Variants in AKAP6 observed in about 807,000 individuals in gnomAD.
AKAP6 encodes the protein A-kinase anchoring protein 6.
A neutral mutation model predicts 188.5 loss-of-function variants in AKAP6; 58 were observed. The ratio of observed to expected loss-of-function variants is 0.31; its 90% CI spans 0.25 to 0.38. AKAP6 has a LOEUF of 0.38. Among genes scored for constraint, AKAP6 ranks in the 10% least tolerant of loss-of-function variants. AKAP6 has a pLI of 1.00. For synonymous variants in AKAP6, 989 were observed against 998.6 expected, an observed-to-expected ratio of 0.99 and a Z score of 0.18; for missense variants, 2,710 against 2,740.0, an observed-to-expected ratio of 0.99 and a Z score of 0.24.
chr14:32,338,348 C>CA (rs569597374), intron 1 of AKAP6, among the ~76,000 whole-genome samples: 52 of 151,984 alleles, frequency 3.4e-4, no homozygotes, highest in Admixed American at 2.9e-3. Context: ...AACAAGCTTT[C>CA]AAAAAAAGTC....
chr14:32,655,826 C>T lies in AKAP6; in HGVS notation c.2731-22485C>T, dbSNP rs569481529. 2.6e-5 allele frequency among the ~76,000 whole-genome samples: 4 copies of T among 152,158 alleles called. No individual in the cohort carries two copies. The South Asian group carries it at 6.2e-4, about 24-fold the overall frequency. ...GAGATTAGGGTCAGACTGGGGAAAGCGTTTTTTACCAATCTAACTTTTTTG... is the reference window on the plus strand; with the variant it reads ...GAGATTAGGGTCAGACTGGGGAAAGTGTTTTTTACCAATCTAACTTTTTTG... On this transcript the variant is annotated intron_variant, in intron 7 of 13. Transcript: ENST00000280979.
At chr14:32,540,813 T>A (rs1882912952) in intron 3 of AKAP6, among the ~76,000 whole-genome samples, 1 of 152,100 alleles carries the variant, frequency 6.6e-6, no homozygotes. Context: ...TTCTTACAAT[T>A]GCCTCTGCAT....
At chr14:32,419,140 T>G (rs1334825704) in intron 1 of AKAP6, among the ~76,000 whole-genome samples, 1 of 152,206 alleles carries the variant, frequency 6.6e-6, no homozygotes, top group Non-Finnish European at 1.5e-5. Context: ...AGGTTCTACC[T>G]TGCTGAAATT....
chr14:32,667,574 T>A (rs993963059), intron 7 of AKAP6, among the ~76,000 whole-genome samples: 1 of 152,136 alleles, frequency 6.6e-6, no homozygotes, highest in Non-Finnish European at 1.5e-5. Flanking sequence ...TGATTTTTAT[T>A]CTACATTAGC....
chr14:32,582,939 C>T (rs1300268861), intron 5 of AKAP6, among the ~76,000 whole-genome samples: 2 of 151,862 alleles, frequency 1.3e-5, no homozygotes, highest in African/African-American at 2.4e-5. Context: ...TTTGAATTTC[C>T]TCCTGTAGCT....
chr14:32,758,278 C>G (rs2300839), intron 11 of AKAP6, among the ~76,000 whole-genome samples: 9,662 of 152,206 alleles, frequency 0.063, 687 homozygotes, highest in East Asian at 0.37. Flanking sequence ...ACAGTCAGAG[C>G]CAGCTGGCAG....
At chr14:32,493,391 T>C (rs1279500839) in intron 2 of AKAP6, among the ~76,000 whole-genome samples, 1 of 152,004 alleles carries the variant, frequency 6.6e-6, no homozygotes, top group Non-Finnish European at 1.5e-5. Flanking sequence ...TTAATTCTTT[T>C]GTAGAGATGG....
chr14:32,742,063 T>G (rs934632206), intron 11 of AKAP6, among the ~76,000 whole-genome samples: 1 of 151,884 alleles, frequency 6.6e-6, no homozygotes, highest in Non-Finnish European at 1.5e-5. Flanking sequence ...TTGTTATTGG[T>G]CTCTTCAGGT....
chr14:32,732,481 C>T lies in AKAP6; in HGVS notation c.3028C>T (p.His1010Tyr). The T allele has an allele frequency of 6.2e-7, 1 of 1,613,326 alleles. No homozygotes were observed. Among genetic ancestry groups the T allele is most frequent in the Non-Finnish European group, 8.5e-7 (1 of 1,179,572 alleles). ...KRYSVEMSIR[H>Y]LKKTELLSKV... ...ATACAGTGTGGAAATGTCCATCAGA[C>T]ACCTGAAAAAGACGGAGCTGCTTAG... is the stretch of plus-strand genomic sequence containing the variant. Residue 1010 changes from histidine (H) to tyrosine (Y), a missense_variant, in exon 10 of 14, where the codon CAC becomes TAC. Physicochemically the swap from His to Tyr is moderately conservative, Grantham distance 83. Transcript: ENST00000280979.
At chr14:32,713,638 A>C (rs2030015954) in intron 9 of AKAP6, among the ~76,000 whole-genome samples, 1 of 151,846 alleles carries the variant, frequency 6.6e-6, no homozygotes, top group African/African-American at 2.4e-5. Flanking sequence ...CTTTCCTTAA[A>C]CCTCATGAAC....
chr14:32,689,980 A>G (rs1412705373), intron 8 of AKAP6, among the ~76,000 whole-genome samples: 2 of 151,862 alleles, frequency 1.3e-5, no homozygotes, highest in African/African-American at 4.8e-5. Context: ...CCCAATATAG[A>G]CAGGTGGTAT....
At chr14:32,435,144 AT>A (rs1453561804) in intron 2 of AKAP6, among the ~76,000 whole-genome samples, 1 of 152,142 alleles carries the variant, frequency 6.6e-6, no homozygotes, top group African/African-American at 2.4e-5. Context: ...TGAAATAGAA[AT>A]TTGGAGGCTC....
intron 6 of AKAP6, among the ~76,000 whole-genome samples, 175 bp from the exon 7 acceptor site, chr14:32,600,454 G>A (rs1885878842): frequency 6.6e-6 from 1 of 152,118 alleles, no homozygotes; most frequent in Non-Finnish European, 1.5e-5. Flanking sequence ...TATACCTCAT[G>A]TTAAGAATTG....
intron 9 of AKAP6, among the ~76,000 whole-genome samples, chr14:32,700,081 C>A (rs1417134681): frequency 6.6e-6 from 1 of 152,168 alleles, no homozygotes; most frequent in Non-Finnish European, 1.5e-5. Flanking sequence ...CACCTCCTCC[C>A]CCATTCTCTA....
In AKAP6 at chr14:32,545,502, T is replaced by C; in HGVS notation, c.849T>C (p.Ser283=). 1 of 1,614,162 alleles carries C rather than the reference T, an allele frequency of 6.2e-7. No individual in the cohort carries two copies. Among genetic ancestry groups the C allele is most frequent in the Non-Finnish European group, 8.5e-7 (1 of 1,179,980 alleles). Residue 283 remains serine (S), a synonymous_variant, in exon 4 of 14, where the codon TCT becomes TCC. Coordinates refer to ENST00000280979, the MANE Select transcript of AKAP6 (RefSeq NM_004274.5). ...GLLTVAADSI[S]TNGSEAVTEE... is the part of the protein sequence containing the mutation. ...TTACGGTAGCTGCTGACTCTATCTC[T>C]ACCAATGGCAGTGAAGCAGTTACTG...
intron 3 of AKAP6, 62 bp from the exon 4 acceptor site, chr14:32,545,168 A>G (rs1031925857): frequency 6.7e-7 from 1 of 1,490,144 alleles, no homozygotes; most frequent in African/African-American, 1.4e-5. Context: ...TTTCATTTAC[A>G]TAGCAGCTGA....
At chr14:32,601,609 C>T (rs1352122253) in intron 7 of AKAP6, among the ~76,000 whole-genome samples, 1 of 152,154 alleles carries the variant, frequency 6.6e-6, no homozygotes, top group Non-Finnish European at 1.5e-5. Flanking sequence ...CACAGAAAAC[C>T]TGCCTCATAA....
intron 7 of AKAP6, among the ~76,000 whole-genome samples, chr14:32,618,894 T>C (rs1271629871): frequency 6.6e-6 from 1 of 152,136 alleles, no homozygotes; most frequent in Admixed American, 6.5e-5. Flanking sequence ...CCATTCTGGC[T>C]GGGGTAAGGT....
intron 2 of AKAP6, among the ~76,000 whole-genome samples, chr14:32,461,300 G>C (rs1046779717): frequency 1.3e-5 from 2 of 152,154 alleles, no homozygotes; most frequent in African/African-American, 4.8e-5. Flanking sequence ...TCCCAACAGG[G>C]GTCAAAGACA....
Sources: gnomAD v4.1 joint callset for allele counts (sites outside exome capture counted in the v4.1 genomes callset) on GRCh38, gnomAD v4.1.1 for gene constraint, MANE v1.5 for transcripts, NCBI Gene and HGNC (gene_info 2026-07-23, HGNC 2026-07-21) for gene names.